The following PDE3A variants were observed in gnomAD, a reference collection of about 807,000 sequenced individuals.
The protein encoded by PDE3A is phosphodiesterase 3A.
A neutral mutation model predicts 98.3 loss-of-function variants in PDE3A; 43 were observed. The ratio of observed to expected loss-of-function variants is 0.44; its 90% CI spans 0.34 to 0.56. PDE3A has a LOEUF of 0.56. PDE3A is among the 20% of genes least tolerant of loss of function. The pLI is 0.01. For missense variants in PDE3A, 1,427 were observed against 1,440.7 expected (o/e 0.99, Z 0.15); for synonymous variants, 663 against 567.9 (o/e 1.17, Z -2.38).
chr12:20,572,270 A>C (rs975455356), intron 2 of PDE3A: 1 of 325,868 alleles, frequency 3.1e-6, no homozygotes, highest in African/African-American at 2.3e-5. Flanking sequence ...AAAGTAATCC[A>C]AATCAAGTTT....
chr12:20,547,532 T>C (rs1342691516), intron 1 of PDE3A, among the ~76,000 whole-genome samples: 1 of 152,178 alleles, frequency 6.6e-6, no homozygotes, highest in Non-Finnish European at 1.5e-5. Context: ...TTCAGAAATA[T>C]GTTTTAGCCA....
chr12:20,544,702 G>T (rs999465736), intron 1 of PDE3A, among the ~76,000 whole-genome samples: 13 of 151,688 alleles, frequency 8.6e-5, no homozygotes, highest in Non-Finnish European at 1.9e-4. Flanking sequence ...TTAACCACTG[G>T]CTGGGTTATG....
chr12:20,454,692 A>C (rs143778060), intron 1 of PDE3A, among the ~76,000 whole-genome samples: 2 of 152,038 alleles, frequency 1.3e-5, no homozygotes, highest in African/African-American at 4.8e-5. Flanking sequence ...TGTTCTCATC[A>C]TTTAGTTCCC....
chr12:20,446,115 G>A (rs1433911836), intron 1 of PDE3A, among the ~76,000 whole-genome samples: 2 of 152,262 alleles, frequency 1.3e-5, no homozygotes, highest in East Asian at 3.9e-4. Flanking sequence ...CCCCCAACGT[G>A]CCTGAAATGA....
chr12:20,545,381 C>T (rs1942024099), intron 1 of PDE3A, among the ~76,000 whole-genome samples: 1 of 151,984 alleles, frequency 6.6e-6, no homozygotes, highest in Admixed American at 6.6e-5. Flanking sequence ...GAAGCCTTCT[C>T]ATTCCCAGTG....
At chr12:20,504,412 A>T (rs1946078446) in intron 1 of PDE3A, among the ~76,000 whole-genome samples, 2 of 152,076 alleles carry the variant, frequency 1.3e-5, no homozygotes, top group Admixed American at 6.6e-5. Context: ...TATTAAAGAG[A>T]CCATATTCTT....
chr12:20,459,546 T>C (rs1945212328), intron 1 of PDE3A, among the ~76,000 whole-genome samples: 1 of 152,210 alleles, frequency 6.6e-6, no homozygotes, highest in South Asian at 2.1e-4. Flanking sequence ...ACTAGTGATA[T>C]ATGAAGAAAA....
At chr12:20,416,319 C>T (rs563028468) in intron 1 of PDE3A, among the ~76,000 whole-genome samples, 24 of 152,248 alleles carry the variant, frequency 1.6e-4, no homozygotes, top group African/African-American at 5.3e-4. Context: ...GACAAACTAC[C>T]GTTAGGTTGT....
Position 20,369,747 on chromosome 12 carries a change from G to C in PDE3A, c.463G>C (p.Val155Leu). Reference sequence around the variant, plus strand: ...GGGCTTGTACCTCCTGCGCGCCGGGGTGCGCCTGCCTCTGGCTGTCGCGCT... The same window carrying C: ...GGGCTTGTACCTCCTGCGCGCCGGGCTGCGCCTGCCTCTGGCTGTCGCGCT... Reference protein sequence around the residue: ...WMGLYLLRAGVRLPLAVALLA... With the variant: ...WMGLYLLRAGLRLPLAVALLA... The change falls in exon 1 of 16, where the codon GTG (valine) becomes CTG (leucine). Residue 155 changes from valine to leucine, a missense_variant. Val to Leu is a conservative substitution (Grantham distance 32). Transcript: ENST00000359062. 1 of 1,612,404 alleles carries C rather than the reference G, an allele frequency of 6.2e-7. No individual in the cohort carries two copies. The highest frequency in any genetic ancestry group is 1.1e-5 in the South Asian group (1 of 91,060).
chr12:20,619,397 C>T (rs1215758793), intron 4 of PDE3A, among the ~76,000 whole-genome samples: 2 of 151,912 alleles, frequency 1.3e-5, no homozygotes, highest in Non-Finnish European at 2.9e-5. Context: ...TATATTAAAA[C>T]ATTCAGTTAC....
At chr12:20,558,595 A>C (rs1317941238) in intron 2 of PDE3A, among the ~76,000 whole-genome samples, 1 of 151,866 alleles carries the variant, frequency 6.6e-6, no homozygotes, top group African/African-American at 2.4e-5. Flanking sequence ...AAAAACATTA[A>C]AAAGAAAGAG....
In PDE3A at chr12:20,646,805, A is replaced by G. The variant is rs146422027; in HGVS notation, c.2420A>G (p.Tyr807Cys). 310 of 1,611,694 alleles carry G rather than the reference A, an allele frequency of 1.9e-4. No individual in the cohort carries two copies. Among genetic ancestry groups the G allele is most frequent in the Non-Finnish European group, 2.5e-4 (291 of 1,177,936 alleles). Residue 807 changes from tyrosine to cysteine, a missense_variant, in exon 12 of 16, where the codon TAT becomes TGT. Coordinates refer to ENST00000359062, the MANE Select transcript of PDE3A (RefSeq NM_000921.5). ...ATGGGATATGTATTCTCAAAAACGTATAATGTGACAGATGATAAATACGGA... is the reference window on the plus strand; with the variant it reads ...ATGGGATATGTATTCTCAAAAACGTGTAATGTGACAGATGATAAATACGGA... The part of the protein sequence containing the change: ...GHMGYVFSKT[Y>C]NVTDDKYGCL...
In PDE3A at chr12:20,682,272, A is replaced by G. The variant is rs1945807740; in HGVS notation, c.*2001A>G. Reference sequence around the variant, plus strand: ...GTACTTATATACAGACCTGCTCATTATCTAAACAATCTTACCTTCTAAGTA... The same window carrying G: ...GTACTTATATACAGACCTGCTCATTGTCTAAACAATCTTACCTTCTAAGTA... On this transcript the variant is annotated 3_prime_UTR_variant, in exon 16 of 16. Transcript: ENST00000359062. 1 of 152,202 alleles carries G rather than the reference A, an allele frequency of 6.6e-6. No homozygotes were observed. The highest frequency in any genetic ancestry group is 6.5e-5 in the Admixed American group (1 of 15,268). 9.4% of individuals were successfully genotyped at this position (152,202 alleles called of 1,614,324 possible).
At chr12:20,497,562 T>C (rs1481238233) in intron 1 of PDE3A, among the ~76,000 whole-genome samples, 1 of 150,264 alleles carries the variant, frequency 6.7e-6, no homozygotes, top group Non-Finnish European at 1.5e-5. Context: ...GAAAACATAA[T>C]AATTCTAACC....
chr12:20,529,767 C>T (rs1390651288), intron 1 of PDE3A, among the ~76,000 whole-genome samples: 1 of 152,058 alleles, frequency 6.6e-6, no homozygotes, highest in East Asian at 1.9e-4. Context: ...TAATAAATTA[C>T]TGTTGTTCTA....
chr12:20,663,705 T>A (rs1348049253), intron 15 of PDE3A, among the ~76,000 whole-genome samples: 1 of 152,210 alleles, frequency 6.6e-6, no homozygotes, highest in Non-Finnish European at 1.5e-5. Flanking sequence ...GGGAAGTAAC[T>A]AACTTGCTTT....
At chr12:20,556,294 C>T (rs986095727) in intron 1 of PDE3A, among the ~76,000 whole-genome samples, 7 of 151,844 alleles carry the variant, frequency 4.6e-5, no homozygotes, top group Non-Finnish European at 8.8e-5. Context: ...TTATCATTTG[C>T]GGCAGTAGAT....
Position 20,650,584 on chromosome 12 carries a change from A to T in PDE3A, c.2909A>T (p.Asn970Ile). 1 of 1,610,140 alleles carries T rather than the reference A, an allele frequency of 6.2e-7. No individual in the cohort carries two copies. Among genetic ancestry groups the T allele is most frequent in the South Asian group, 1.1e-5 (1 of 90,870 alleles). ...LHLQWTDGIV[N>I]EFYEQGDEEA... ...CTTCAGTGGACAGATGGTATTGTCAATGAATTTTATGAACAGGTAACTGAC... is the reference window on the plus strand; with the variant it reads ...CTTCAGTGGACAGATGGTATTGTCATTGAATTTTATGAACAGGTAACTGAC... Residue 970 changes from asparagine (N) to isoleucine (I), a missense_variant, in exon 14 of 16, where the codon AAT becomes ATT. This residue lies in a region of PDE3A where 273 missense variants were observed against 420.3 expected (regional missense o/e 0.65). Transcript: ENST00000359062.
intron 1 of PDE3A, among the ~76,000 whole-genome samples, chr12:20,531,380 C>T (rs982241802): frequency 1.3e-5 from 2 of 152,042 alleles, no homozygotes; most frequent in South Asian, 2.1e-4. Flanking sequence ...TAATTCTATA[C>T]TTCGGATACT....
Sources: gnomAD v4.1 joint callset for allele counts (sites outside exome capture counted in the v4.1 genomes callset) on GRCh38, gnomAD v4.1.1 for gene constraint, gnomAD v4.1.1 regional missense constraint, MANE v1.5 for transcripts, NCBI Gene and HGNC (gene_info 2026-07-23, HGNC 2026-07-21) for gene names.